Variants in SUGP1 observed in about 807,000 individuals in gnomAD.
SUGP1 encodes the protein SURP and G-patch domain containing 1.
Under a neutral mutation model 76.5 loss-of-function variants are expected in SUGP1, and 34 were observed. The ratio of observed to expected loss-of-function variants is 0.44; its 90% CI spans 0.34 to 0.59. The LOEUF (loss-of-function observed/expected upper bound fraction) is 0.59, where lower values mean the gene tolerates loss of function less well. SUGP1 is among the 20% of genes least tolerant of loss of function. The pLI is 0.01. For missense variants in SUGP1, 752 were observed against 851.7 expected (o/e 0.88, Z 1.46); for synonymous variants, 326 against 326.2 (o/e 1.00, Z 0.01).
chr19:19,308,711 C>G (rs1295838684), intron 3 of SUGP1, among the ~76,000 whole-genome samples: 2 of 152,238 alleles, frequency 1.3e-5, no homozygotes, highest in Non-Finnish European at 2.9e-5. Context: ...TCAAGCTGAC[C>G]CAGCTTGGGG....
chr19:19,303,105 T>C (rs2061284579), intron 6 of SUGP1, among the ~76,000 whole-genome samples: 1 of 152,164 alleles, frequency 6.6e-6, no homozygotes, highest in South Asian at 2.1e-4. Flanking sequence ...TCGACCTCCA[T>C]GAGCTCCCGT....
chr19:19,295,884 G>GA (rs1002378380), intron 8 of SUGP1, among the ~76,000 whole-genome samples: 3 of 151,892 alleles, frequency 2.0e-5, no homozygotes, highest in Admixed American at 6.6e-5. Flanking sequence ...AAAACGTGGG[G>GA]AAAAAAGGAC....
Position 19,276,669 on chromosome 19 carries a change from A to G in SUGP1, c.1917T>C (p.Asn639=), listed in dbSNP as rs746860969. 1 of 1,614,118 alleles carries G rather than the reference A, an allele frequency of 6.2e-7. No individual in the cohort carries two copies. Among genetic ancestry groups the G allele is most frequent in the South Asian group, 1.1e-5 (1 of 91,082 alleles). Residue 639 remains asparagine (N), a synonymous_variant, in exon 14 of 14, where the codon AAT becomes AAC. Coordinates refer to ENST00000247001, the MANE Select transcript of SUGP1 (RefSeq NM_172231.4). The part of the protein sequence containing the change: ...AYRFRPNPLN[N]PRRPYY ...ACACTCAGTAGTAAGGCCGTCTGGG[A>G]TTGTTCTGTGGAAGGCAAAACAGAT...
At chr19:19,298,517 A>G (rs920328657) in intron 7 of SUGP1, among the ~76,000 whole-genome samples, 3 of 152,052 alleles carry the variant, frequency 2.0e-5, no homozygotes, top group Non-Finnish European at 2.9e-5. Context: ...ATAAATAGTG[A>G]GCGAGCAGCA....
At chr19:19,302,870 C>A (rs956607900) in intron 6 of SUGP1, among the ~76,000 whole-genome samples, 1 of 152,134 alleles carries the variant, frequency 6.6e-6, no homozygotes, top group African/African-American at 2.4e-5. Context: ...AGTCAAAGAC[C>A]AGCCAGTATT....
At chr19:19,299,931 G>A (rs1414176372) in intron 7 of SUGP1, among the ~76,000 whole-genome samples, 1 of 151,666 alleles carries the variant, frequency 6.6e-6, no homozygotes, top group African/African-American at 2.4e-5. Context: ...AGCTGAGATT[G>A]CAGGCATGCG....
chr19:19,299,233 G>A (rs563465396), intron 7 of SUGP1, among the ~76,000 whole-genome samples: 110 of 152,348 alleles, frequency 7.2e-4, no homozygotes, highest in Non-Finnish European at 1.3e-3. Context: ...TTCACTGACT[G>A]GCCTTGCTTC....
At chr19:19,295,526 C>A (rs1218352354) in intron 8 of SUGP1, among the ~76,000 whole-genome samples, 1 of 149,168 alleles carries the variant, frequency 6.7e-6, no homozygotes, top group Non-Finnish European at 1.5e-5. Flanking sequence ...ATCACTTGAA[C>A]CTCGGAGGCA....
chr19:19,318,113 C>CTTTTTTTTT (rs1192437542), intron 1 of SUGP1, among the ~76,000 whole-genome samples: 2 of 97,716 alleles, frequency 2.0e-5, no homozygotes, highest in Non-Finnish European at 3.9e-5. Context: ...ACCCAGCCTT[C>CTTTTTTTTT]TTTTTTTTTT....
intron 13 of SUGP1, 61 bp downstream of exon 13, chr19:19,276,886 T>C (rs1455352606): frequency 5.6e-6 from 9 of 1,600,360 alleles, no homozygotes; most frequent in Non-Finnish European, 7.7e-6. Context: ...GGGAGCCTTC[T>C]GTTCCTACCA....
intron 8 of SUGP1, among the ~76,000 whole-genome samples, chr19:19,286,844 G>C (rs1230975332): frequency 6.6e-6 from 1 of 152,224 alleles, no homozygotes; most frequent in African/African-American, 2.4e-5. Flanking sequence ...AAGAGTTCGA[G>C]AGCAGCCTGG....
At chr19:19,290,050 G>A (rs1053937355) in intron 8 of SUGP1, among the ~76,000 whole-genome samples, 1 of 152,148 alleles carries the variant, frequency 6.6e-6, no homozygotes, top group Non-Finnish European at 1.5e-5. Context: ...AGATCTAAGA[G>A]CAACATGAAC....
At chr19:19,288,171 G>A (rs986578500) in intron 8 of SUGP1, among the ~76,000 whole-genome samples, 4 of 151,864 alleles carry the variant, frequency 2.6e-5, no homozygotes, top group Admixed American at 2.6e-4. Context: ...AAAGAGGCAG[G>A]GTCTGTCTGG....
chr19:19,303,621 G>C, intron 5 of SUGP1, 103 bp downstream of exon 5: 1 of 1,478,500 alleles, frequency 6.8e-7, no homozygotes, highest in Non-Finnish European at 9.4e-7. Context: ...GAAAACGCTT[G>C]GAACAGCATC....
chr19:19,302,445 T>A, intron 6 of SUGP1, 57 bp from the exon 7 acceptor site: 1 of 1,586,908 alleles, frequency 6.3e-7, no homozygotes, highest in East Asian at 2.2e-5. Flanking sequence ...GCCTAATTTC[T>A]GCTAAGAACC....
chr19:19,309,082 A>G (rs1458979845), intron 3 of SUGP1, among the ~76,000 whole-genome samples: 11 of 151,788 alleles, frequency 7.2e-5, no homozygotes, highest in African/African-American at 2.7e-4. Flanking sequence ...GGTCAGGCTG[A>G]TCTCGAACTC....
intron 7 of SUGP1, among the ~76,000 whole-genome samples, chr19:19,301,168 A>T (rs2061268739): frequency 6.6e-6 from 1 of 152,140 alleles, no homozygotes; most frequent in Non-Finnish European, 1.5e-5. Context: ...GACATTCAGG[A>T]CACCTGTCGG....
intron 9 of SUGP1, 51 bp downstream of exon 9, chr19:19,280,134 C>A: frequency 6.4e-7 from 1 of 1,561,894 alleles, no homozygotes; most frequent in Non-Finnish European, 8.8e-7. Context: ...TAGAGGACAA[C>A]ACTCTATGGG....
At chr19:19,297,866 C>A (rs2061240839) in intron 7 of SUGP1, among the ~76,000 whole-genome samples, 1 of 152,198 alleles carries the variant, frequency 6.6e-6, no homozygotes, top group African/African-American at 2.4e-5. Context: ...TCCAGTGAGG[C>A]TGGGAGCACA....
Sources: gnomAD v4.1 joint callset for allele counts (sites outside exome capture counted in the v4.1 genomes callset) on GRCh38, gnomAD v4.1.1 for gene constraint, MANE v1.5 for transcripts, NCBI Gene and HGNC (gene_info 2026-07-23, HGNC 2026-07-21) for gene names.